Variants in ST18 observed in about 807,000 individuals in gnomAD.
ST18 encodes suppression of tumorigenicity 18 protein.
ST18 carries 50 observed loss-of-function variants against 110.0 expected under a neutral mutation model. That is an observed-to-expected ratio of 0.45 (90% CI 0.36 to 0.58). The LOEUF is 0.58. Ranked by LOEUF, ST18 falls within the 20% of genes least tolerant of loss-of-function variation. The pLI is 0.00. For missense variants in ST18, 1,306 were observed against 1,280.1 expected, an observed-to-expected ratio of 1.02 and a Z score of -0.31; for synonymous variants, 461 against 452.4, an observed-to-expected ratio of 1.02 and a Z score of -0.24.
intron 2 of ST18, among the ~76,000 whole-genome samples, chr8:52,322,236 G>T (rs891121808): frequency 2.6e-5 from 4 of 152,170 alleles, no homozygotes; most frequent in African/African-American, 9.7e-5. Context: ...CCTTTCTTCA[G>T]TTTTTCCTAC....
At chr8:52,344,405 C>CT (rs11297921) in intron 2 of ST18, among the ~76,000 whole-genome samples, 4 of 146,608 alleles carry the variant, frequency 2.7e-5, no homozygotes, top group African/African-American at 1.0e-4. Flanking sequence ...CAATAATAGC[C>CT]TTTTTTTTTT....
At chr8:52,134,706 A>G (rs1028901748) in intron 19 of ST18, among the ~76,000 whole-genome samples, 2 of 152,214 alleles carry the variant, frequency 1.3e-5, no homozygotes, top group Non-Finnish European at 2.9e-5. Flanking sequence ...ATTTAAAGAC[A>G]TAATATGTAT....
chr8:52,118,635 G>A (rs564108303), intron 23 of ST18, among the ~76,000 whole-genome samples, 194 bp from the exon 24 acceptor site: 3 of 152,274 alleles, frequency 2.0e-5, no homozygotes, highest in Non-Finnish European at 4.4e-5. Context: ...AAAGAAAAGA[G>A]GGAGTAGAAA....
intron 2 of ST18, among the ~76,000 whole-genome samples, chr8:52,306,292 T>C (rs1038506752): frequency 6.6e-6 from 1 of 152,222 alleles, no homozygotes; most frequent in Non-Finnish European, 1.5e-5. Flanking sequence ...TCTGGCATGC[T>C]CAACAATTCC....
intron 2 of ST18, among the ~76,000 whole-genome samples, chr8:52,232,452 C>T (rs569186609): frequency 4.4e-4 from 67 of 152,164 alleles, no homozygotes; most frequent in African/African-American, 1.3e-3. Context: ...CAAATTTAAA[C>T]GTCAAATAAA....
At chr8:52,213,793 G>A (rs899296755) in intron 7 of ST18, among the ~76,000 whole-genome samples, 1 of 152,142 alleles carries the variant, frequency 6.6e-6, no homozygotes, top group African/African-American at 2.4e-5. Flanking sequence ...AGTTTAGGTT[G>A]GGAGCCACTA....
At chr8:52,130,119 A>AAAAAGAAAGAAAGAAAGAAAG in intron 22 of ST18, among the ~76,000 whole-genome samples, 1 of 105,242 alleles carries the variant, frequency 9.5e-6, no homozygotes, top group East Asian at 2.8e-4. Context: ...AGAAAGAAAG[A>AAAAAGAAAGAAAGAAAGAAAG]AAAGAAAGAA....
At chr8:52,152,095 A>G (rs2058957038) in intron 15 of ST18, among the ~76,000 whole-genome samples, 1 of 152,222 alleles carries the variant, frequency 6.6e-6, no homozygotes, top group African/African-American at 2.4e-5. Flanking sequence ...GCTTTCCTGC[A>G]TCCTGCGCCC....
chr8:52,227,224 C>T (rs1379844887), intron 3 of ST18, among the ~76,000 whole-genome samples: 1 of 151,894 alleles, frequency 6.6e-6, no homozygotes, highest in Admixed American at 6.6e-5. Flanking sequence ...AAGAATGTAC[C>T]CATTATTCGT....
At chr8:52,392,709 T>C (rs1343428034) in intron 2 of ST18, among the ~76,000 whole-genome samples, 2 of 152,226 alleles carry the variant, frequency 1.3e-5, no homozygotes, top group Non-Finnish European at 2.9e-5. Context: ...GAGCACTGGT[T>C]ACAGAGTTTT....
At chr8:52,123,451 A>G (rs1431127070) in intron 23 of ST18, among the ~76,000 whole-genome samples, 1 of 152,222 alleles carries the variant, frequency 6.6e-6, no homozygotes, top group Admixed American at 6.5e-5. Flanking sequence ...CATGAAACAC[A>G]GCATTGTTAG....
At chr8:52,374,695 C>A (rs548659895) in intron 2 of ST18, among the ~76,000 whole-genome samples, 11 of 152,148 alleles carry the variant, frequency 7.2e-5, no homozygotes, top group Non-Finnish European at 1.5e-4. Flanking sequence ...CCCATACCCC[C>A]CTGACAGGCT....
At chr8:52,242,640 A>G (rs1589174744) in intron 2 of ST18, among the ~76,000 whole-genome samples, 1 of 152,158 alleles carries the variant, frequency 6.6e-6, no homozygotes, top group South Asian at 2.1e-4. Flanking sequence ...GGAGTTCAAG[A>G]CCAGCCTGCC....
intron 24 of ST18, among the ~76,000 whole-genome samples, chr8:52,117,916 C>T (rs1381424619): frequency 6.6e-6 from 1 of 152,164 alleles, no homozygotes; most frequent in Non-Finnish European, 1.5e-5. Context: ...AGAAAATATT[C>T]AGTAAGATCT....
At chr8:52,140,127 T>C (rs1210984266) in intron 17 of ST18, among the ~76,000 whole-genome samples, 1 of 152,176 alleles carries the variant, frequency 6.6e-6, no homozygotes, top group Non-Finnish European at 1.5e-5. Flanking sequence ...AAGCAAAATA[T>C]AATAAGGACA....
At chr8:52,194,894 C>T (rs747989875) in intron 8 of ST18, 3 of 152,132 alleles carry the variant, frequency 2.0e-5, no homozygotes, top group Non-Finnish European at 4.4e-5. Flanking sequence ...TCACATGGAC[C>T]AAAGTTTTTA....
chr8:52,186,231 A>G (rs1004665784), intron 8 of ST18, among the ~76,000 whole-genome samples: 2 of 152,216 alleles, frequency 1.3e-5, no homozygotes, highest in Non-Finnish European at 2.9e-5. Context: ...AATAAACAAG[A>G]AAAGACAGAC....
At chr8:52,140,588 G>C (rs958742597) in intron 17 of ST18, among the ~76,000 whole-genome samples, 4 of 144,658 alleles carry the variant, frequency 2.8e-5, no homozygotes, top group African/African-American at 1.0e-4. Context: ...TAGATAGATA[G>C]ATAGATAAAA....
intron 2 of ST18, among the ~76,000 whole-genome samples, chr8:52,380,999 C>A (rs1834311910): frequency 6.6e-6 from 1 of 152,198 alleles, no homozygotes; most frequent in Non-Finnish European, 1.5e-5. Flanking sequence ...TTTCTCCCAG[C>A]TGCAAATACA....
Sources: allele counts gnomAD v4.1 joint callset (sites outside exome capture counted in the v4.1 genomes callset), GRCh38; gene constraint gnomAD v4.1.1; transcripts MANE v1.5; gene names NCBI Gene and HGNC (gene_info 2026-07-23, HGNC 2026-07-21).